EIF3M: variants seen among roughly 807,000 people sequenced by gnomAD.
The protein encoded by EIF3M is B5 receptor.
EIF3M carries 25 observed loss-of-function variants against 49.7 expected under a neutral mutation model. The observed-to-expected ratio is 0.50, with a 90% CI of 0.37 to 0.70. The LOEUF (loss-of-function observed/expected upper bound fraction) is 0.70, where lower values mean the gene tolerates loss of function less well. Ranked by LOEUF, EIF3M falls within the 30% of genes least tolerant of loss-of-function variation. EIF3M has a pLI of 0.00. For synonymous variants in EIF3M, 156 were observed against 149.8 expected, an observed-to-expected ratio of 1.04 and a Z score of -0.30; for missense variants, 350 against 440.0, an observed-to-expected ratio of 0.80 and a Z score of 1.83.
chr11:32,588,469 T>C, intron 2 of EIF3M, 125 bp from the exon 3 acceptor site: 1 of 1,111,910 alleles, frequency 9.0e-7, no homozygotes, highest in African/African-American at 1.6e-5. Flanking sequence ...CAAGTTGCTT[T>C]CTGAATGCGA....
rs61889406 is a variant in EIF3M at position 32,592,481 on chromosome 11, C to G, written c.534-1385C>G. The G allele has an allele frequency of 2.7e-3, 1,400 of 526,954 alleles. 4 individuals carry two copies. The highest frequency in any genetic ancestry group is 3.7e-3 in the Non-Finnish European group (1,013 of 272,506). The allele number at this position is 526,954 out of a possible 1,614,324, so 32.6% of individuals were successfully genotyped here. On this transcript the variant is annotated intron_variant, in intron 5 of 10. Transcript: ENST00000531120. ...AATTTTCTTCACTGTTGGATGGGCACTGGGCTTTACAGAACTCTCTCTAGA... is the reference window on the plus strand; with the variant it reads ...AATTTTCTTCACTGTTGGATGGGCAGTGGGCTTTACAGAACTCTCTCTAGA...
intron 6 of EIF3M, 82 bp from the exon 7 acceptor site, chr11:32,594,832 A>C: frequency 7.8e-7 from 1 of 1,286,718 alleles, no homozygotes; most frequent in South Asian, 1.4e-5. Flanking sequence ...TGCCGAATTA[A>C]GTATATTTTA....
At position 32,589,596 on chromosome 11, in the gene EIF3M, C is replaced by A; in HGVS notation, c.488C>A (p.Thr163Asn). 1 of 1,614,072 alleles carries A rather than the reference C, an allele frequency of 6.2e-7. No homozygotes were observed. Among genetic ancestry groups the A allele is most frequent in the South Asian group, 1.1e-5 (1 of 91,082 alleles). The change falls in exon 5 of 11, where the codon ACC (threonine) becomes AAC (asparagine). Residue 163 changes from threonine to asparagine, a missense_variant. Transcript: ENST00000531120. ...AATCTCACCACTGAAAAAAAGCACA[C>A]CCTTTTAAGACTACTTTATGAGGCA... ...DWNLTTEKKH[T>N]LLRLLYEALV...
chr11:32,596,911 CAAAA>C (rs76116503), intron 8 of EIF3M, among the ~76,000 whole-genome samples: 1 of 146,790 alleles, frequency 6.8e-6, no homozygotes, highest in Non-Finnish European at 1.5e-5. Flanking sequence ...TCTCAAAAAA[CAAAA>C]AAAAAAGAGA....
intron 7 of EIF3M, among the ~76,000 whole-genome samples, chr11:32,595,524 T>C (rs1334359592): frequency 1.3e-5 from 2 of 152,186 alleles, no homozygotes; most frequent in Non-Finnish European, 2.9e-5. Flanking sequence ...CGTGAGCCAC[T>C]GTGCCCGGCT....
At position 32,602,462 on chromosome 11, in the gene EIF3M, A is replaced by C; in HGVS notation, c.*63A>C. 1.3e-6 allele frequency: 2 copies of C among 1,553,914 alleles called. No individual in the cohort carries two copies. Among genetic ancestry groups the C allele is most frequent in the East Asian group, 4.5e-5 (2 of 43,962 alleles). ...GCCCTAAATCATAGTAAAACATTAT[A>C]AACTAAAAAAATTTGCCTAGTCTGG... On this transcript the variant is annotated 3_prime_UTR_variant, in exon 11 of 11. Transcript: ENST00000531120.
chr11:32,590,625 C>A (rs1318529004), intron 5 of EIF3M, among the ~76,000 whole-genome samples: 1 of 151,918 alleles, frequency 6.6e-6, no homozygotes, highest in Non-Finnish European at 1.5e-5. Flanking sequence ...ATGCTACCCA[C>A]AGTAGGGAAC....
intron 1 of EIF3M, 108 bp downstream of exon 1, chr11:32,584,037 T>C (rs1854950475): frequency 1.4e-6 from 2 of 1,432,882 alleles, no homozygotes; most frequent in Non-Finnish European, 1.9e-6. Flanking sequence ...CACCCGCAGC[T>C]GTTCTACACG....
intron 8 of EIF3M, among the ~76,000 whole-genome samples, 155 bp downstream of exon 8, chr11:32,596,202 C>G (rs1010484754): frequency 4.6e-5 from 7 of 152,054 alleles, no homozygotes; most frequent in African/African-American, 1.7e-4. Context: ...AATAGGTAGA[C>G]AGTTTAAAAT....
In EIF3M at chr11:32,603,409, C is replaced by A. The variant is rs975578430; in HGVS notation, c.*1010C>A. The A allele has an allele frequency of 8.3e-5, 13 of 157,094 alleles. No individual in the cohort carries two copies. The highest frequency in any genetic ancestry group is 2.9e-4 in the African/African-American group (12 of 41,500). 9.7% of individuals were successfully genotyped at this position (157,094 alleles called of 1,614,324 possible). On this transcript the variant is annotated 3_prime_UTR_variant, in exon 11 of 11. Coordinates refer to ENST00000531120, the MANE Select transcript of EIF3M (RefSeq NM_006360.6). The stretch of plus-strand genomic sequence containing the variant: ...AACTTTTTCATTTTAAGGTTCTTTT[C>A]TGATGTTAAAATACTTACTGGAAAT...
chr11:32,601,957 A>T, intron 10 of EIF3M, 135 bp downstream of exon 10: 1 of 987,518 alleles, frequency 1.0e-6, no homozygotes, highest in Non-Finnish European at 1.5e-6. Flanking sequence ...TCATAATTTT[A>T]TTAAAGTTCA....
At position 32,583,877 on chromosome 11, in the gene EIF3M, G is replaced by A. The variant is rs1486630250; in HGVS notation, c.-11G>A. The A allele has an allele frequency of 7.4e-6, 12 of 1,612,844 alleles. No individual in the cohort carries two copies. The highest frequency in any genetic ancestry group is 3.3e-5 in the Admixed American group (2 of 59,952). ...TGCGAGTGGAGTGTCCGCTGTGCCCGGGCCTGCACCATGAGCGTCCCGGCC... is the reference window on the plus strand; with the variant it reads ...TGCGAGTGGAGTGTCCGCTGTGCCCAGGCCTGCACCATGAGCGTCCCGGCC... On this transcript the variant is annotated 5_prime_UTR_variant, in exon 1 of 11. Coordinates refer to ENST00000531120, the MANE Select transcript of EIF3M (RefSeq NM_006360.6).
At chr11:32,592,307 C>A in intron 5 of EIF3M, 1 of 529,726 alleles carries the variant, frequency 1.9e-6, no homozygotes, top group South Asian at 1.5e-5. Flanking sequence ...ACAATTTTAT[C>A]ATGATCATCA....
Position 32,602,258 on chromosome 11 carries a change from GTTTAA to G in EIF3M, c.1005-17_1005-13del, listed in dbSNP as rs766205374. ...AGGCTAAAAGGTTGACTAACACTGT[GTTTAA>G]TTTTTCAATTTTTAGTCATAGCACA... is the stretch of plus-strand genomic sequence containing the variant. On this transcript the variant is annotated splice_polypyrimidine_tract_variant and intron_variant, in intron 10 of 10. Transcript: ENST00000531120. The G allele has an allele frequency of 8.9e-5, 142 of 1,603,136 alleles. 1 individual carries two copies. In the African/African-American group the frequency reaches 1.8e-3, roughly 20 times the overall value.
intron 1 of EIF3M, among the ~76,000 whole-genome samples, chr11:32,585,021 C>CAT (rs139739726): frequency 0.013 from 1,950 of 152,310 alleles, 38 homozygotes; most frequent in African/African-American, 0.045. Flanking sequence ...GATTGGATAT[C>CAT]ATAAACTTCG....
rs1210597513 is a variant in EIF3M at position 32,593,909 on chromosome 11, A to T, written c.577A>T (p.Thr193Ser). The T allele has an allele frequency of 1.9e-6, 3 of 1,581,232 alleles. No individual in the cohort carries two copies. Among genetic ancestry groups the T allele is most frequent in the African/African-American group, 2.7e-5 (2 of 73,314 alleles). The part of the protein sequence containing the change: ...KVMVELLGSY[T>S]EDNASQARVD... ...CATGGTGGAATTGCTCGGAAGTTAC[A>T]CAGAGGACAATGCTTCCCAGGCTCG... The change falls in exon 6 of 11, where the codon ACA becomes TCA. Residue 193 changes from threonine (T) to serine (S), a missense_variant. Physicochemically the swap from Thr to Ser is moderately conservative, Grantham distance 58 (BLOSUM62 1). Coordinates refer to ENST00000531120, the MANE Select transcript of EIF3M (RefSeq NM_006360.6).
intron 8 of EIF3M, among the ~76,000 whole-genome samples, chr11:32,598,565 T>C (rs1479444088): frequency 6.6e-6 from 1 of 151,834 alleles, no homozygotes; most frequent in Non-Finnish European, 1.5e-5. Flanking sequence ...AGTTTGGTTC[T>C]TTGTTACTTT....
At chr11:32,584,607 C>CAAAA (rs796738414) in intron 1 of EIF3M, among the ~76,000 whole-genome samples, 904 of 62,292 alleles carry the variant, frequency 0.015, 93 homozygotes, top group African/African-American at 0.051. Context: ...GAGTCCCTCT[C>CAAAA]AAAAAAAAAA....
intron 10 of EIF3M, 33 bp from the exon 11 acceptor site, chr11:32,602,246 G>T: frequency 6.3e-7 from 1 of 1,599,700 alleles, no homozygotes; most frequent in South Asian, 1.1e-5. Context: ...CTAAAAGGTT[G>T]ACTAACACTG....
Sources: allele counts gnomAD v4.1 joint callset (sites outside exome capture counted in the v4.1 genomes callset), GRCh38; gene constraint gnomAD v4.1.1; transcripts MANE v1.5; gene names NCBI Gene and HGNC (gene_info 2026-07-23, HGNC 2026-07-21).